NOL4: variants seen among roughly 807,000 people sequenced by gnomAD.
NOL4 encodes cancer/testis antigen 125.
A neutral mutation model predicts 75.9 loss-of-function variants in NOL4; 17 were observed. The observed-to-expected ratio is 0.22, with a 90% CI of 0.15 to 0.34. The LOEUF is 0.34. Among genes scored for constraint, NOL4 ranks in the 10% least tolerant of loss-of-function variants. The pLI, the probability that NOL4 is intolerant of heterozygous loss-of-function variation, is 1.00. For synonymous variants in NOL4, 292 were observed against 289.9 expected, an observed-to-expected ratio of 1.01 and a Z score of -0.07; for missense variants, 614 against 793.5, an observed-to-expected ratio of 0.77 and a Z score of 2.72.
chr18:33,885,684 G>C (rs113380065), intron 9 of NOL4, among the ~76,000 whole-genome samples: 83 of 152,266 alleles, frequency 5.5e-4, no homozygotes, highest in African/African-American at 1.3e-3. Context: ...ATGCTGGTGA[G>C]GGTGTGGGGA....
chr18:34,176,743 AG>A (rs1355773082), intron 1 of NOL4, among the ~76,000 whole-genome samples: 2 of 152,120 alleles, frequency 1.3e-5, no homozygotes, highest in Non-Finnish European at 2.9e-5. Context: ...AGCTCTCTCT[AG>A]GAGCTGACAA....
chr18:33,857,668 T>C (rs969880909), intron 10 of NOL4, among the ~76,000 whole-genome samples: 14 of 152,004 alleles, frequency 9.2e-5, no homozygotes, highest in Non-Finnish European at 1.9e-4. Context: ...ATATTCAGAT[T>C]CTATTCTGAC....
At chr18:34,140,644 C>T (rs897769405) in intron 1 of NOL4, among the ~76,000 whole-genome samples, 1 of 152,134 alleles carries the variant, frequency 6.6e-6, no homozygotes, top group African/African-American at 2.4e-5. Flanking sequence ...ATTTGCCAGT[C>T]TGTGTCTTTT....
At chr18:34,221,377 G>C (rs2037289010) in intron 1 of NOL4, 1 of 151,972 alleles carries the variant, frequency 6.6e-6, no homozygotes, top group Non-Finnish European at 1.5e-5. Context: ...ATCATTTCTT[G>C]ATATTATTCC....
intron 1 of NOL4, among the ~76,000 whole-genome samples, chr18:34,137,562 G>T (rs2080944341): frequency 6.6e-6 from 1 of 152,074 alleles, no homozygotes; most frequent in Admixed American, 6.6e-5. Flanking sequence ...TTAGATAAAT[G>T]CAAATCAAAA....
At chr18:34,186,580 A>G (rs927815365) in intron 1 of NOL4, among the ~76,000 whole-genome samples, 1 of 152,184 alleles carries the variant, frequency 6.6e-6, no homozygotes, top group African/African-American at 2.4e-5. Context: ...CGGTCCAATG[A>G]AACTATGTGC....
chr18:34,123,259 A>G (rs2080230049), intron 2 of NOL4, among the ~76,000 whole-genome samples: 1 of 151,686 alleles, frequency 6.6e-6, no homozygotes, highest in African/African-American at 2.4e-5. Context: ...GCAGTAAGCT[A>G]TTCTTTTGTT....
chr18:34,064,596 C>T (rs185397146), intron 5 of NOL4, among the ~76,000 whole-genome samples: 2 of 151,926 alleles, frequency 1.3e-5, no homozygotes, highest in East Asian at 1.9e-4. Flanking sequence ...TTATGAAATA[C>T]CAATTTATGC....
chr18:34,006,415 G>T (rs988571266), intron 6 of NOL4, among the ~76,000 whole-genome samples: 2 of 151,974 alleles, frequency 1.3e-5, no homozygotes, highest in African/African-American at 4.8e-5. Context: ...GTGTGGCTGG[G>T]CATTAACCAA....
intron 8 of NOL4, 85 bp from the exon 9 acceptor site, chr18:33,943,263 A>G (rs2068618450): frequency 5.0e-6 from 4 of 806,290 alleles, no homozygotes; most frequent in Non-Finnish European, 8.2e-6. Flanking sequence ...AGCTCTCAGG[A>G]TCATCAACAT....
At chr18:34,104,872 GGGCACTGAATT>G (rs2079197078) in intron 3 of NOL4, among the ~76,000 whole-genome samples, 166 bp downstream of exon 3, 1 of 151,886 alleles carries the variant, frequency 6.6e-6, no homozygotes, top group Admixed American at 6.6e-5. Context: ...TTCTAAGAAT[GGGCACTGAATT>G]ACTTTGTAAG....
chr18:33,852,299 G>C lies in NOL4; in HGVS notation c.*543C>G, dbSNP rs2062659064. On this transcript the variant is annotated 3_prime_UTR_variant, in exon 11 of 11. Coordinates refer to ENST00000261592, the MANE Select transcript of NOL4 (RefSeq NM_003787.5). ...GTTTTCTTTTAGGACCTATGAAAAA[G>C]TTACCAAAGTAAAAATGACAAGTTT... The C allele has an allele frequency of 6.6e-6, 1 of 152,228 alleles. No individual in the cohort carries two copies. The highest frequency in any genetic ancestry group is 1.5e-5 in the Non-Finnish European group (1 of 67,956). 9.4% of individuals were successfully genotyped at this position (152,228 alleles called of 1,614,324 possible).
chr18:34,147,658 G>C (rs1267342045), intron 1 of NOL4, among the ~76,000 whole-genome samples: 1 of 152,064 alleles, frequency 6.6e-6, no homozygotes, highest in African/African-American at 2.4e-5. Context: ...GTTTATAATG[G>C]ATATTGGCCT....
At chr18:33,893,411 C>T (rs2065214031) in intron 9 of NOL4, among the ~76,000 whole-genome samples, 1 of 152,126 alleles carries the variant, frequency 6.6e-6, no homozygotes, top group African/African-American at 2.4e-5. Flanking sequence ...CCTGAGCCAA[C>T]ACACTGAATT....
chr18:33,976,345 C>T (rs146368236), intron 6 of NOL4, among the ~76,000 whole-genome samples: 248 of 151,992 alleles, frequency 1.6e-3, no homozygotes, highest in African/African-American at 5.6e-3. Context: ...TTATTTGAAG[C>T]TATTACATAC....
rs941837277 is a variant in NOL4, at chr18:34,170,173, G to C, written c.265-40153C>G. Among the ~76,000 whole-genome samples, 3 of 146,464 alleles carry C rather than the reference G, an allele frequency of 2.0e-5. No individual in the cohort carries two copies. The Admixed American group carries it at 2.1e-4, about 10-fold the overall frequency. On this transcript the variant is annotated intron_variant, in intron 1 of 10. Transcript: ENST00000261592. ...GTCTGAATTGAGATGGGCTGTTTAA[G>C]AACTATTTTTTTTTTTTTTTTGAGA...
Position 34,105,140 on chromosome 18 carries a change from G to A in NOL4, c.435C>T (p.Phe145=). The A allele has an allele frequency of 6.2e-7, 1 of 1,610,890 alleles. No individual in the cohort carries two copies. Among genetic ancestry groups the A allele is most frequent in the South Asian group, 1.1e-5 (1 of 91,034 alleles). Residue 145 remains phenylalanine (F), a synonymous_variant, in exon 3 of 11, where the codon TTC becomes TTT. Coordinates refer to ENST00000261592, the MANE Select transcript of NOL4 (RefSeq NM_003787.5). ...TYKAISESYA[F]LPREAVTRFL... ...ATCGTGTCACCGCTTCTCTTGGTAG[G>A]AAGGCATAGCTCTCTGAAATCTGAA...
intron 4 of NOL4, among the ~76,000 whole-genome samples, chr18:34,103,408 A>G (rs1478018916): frequency 3.9e-5 from 6 of 152,014 alleles, no homozygotes; most frequent in African/African-American, 9.7e-5. Flanking sequence ...AATCCTACAG[A>G]GTATTTAAGA....
intron 9 of NOL4, among the ~76,000 whole-genome samples, chr18:33,921,661 C>T (rs1416371106): frequency 6.6e-6 from 1 of 152,098 alleles, no homozygotes; most frequent in Non-Finnish European, 1.5e-5. Context: ...AGGATCCTCC[C>T]CTAGAGGTTT....
Sources: gnomAD v4.1 joint callset for allele counts (sites outside exome capture counted in the v4.1 genomes callset) on GRCh38, gnomAD v4.1.1 for gene constraint, MANE v1.5 for transcripts, NCBI Gene and HGNC (gene_info 2026-07-23, HGNC 2026-07-21) for gene names.